The following CALU variants were observed in gnomAD, a reference collection of about 807,000 sequenced individuals.
The protein encoded by CALU is IEF SSP 9302.
In CALU, 13 loss-of-function variants were observed where a neutral mutation model predicts 37.5. The ratio of observed to expected loss-of-function variants is 0.35; its 90% CI spans 0.23 to 0.55. The LOEUF is 0.55. Among genes scored for constraint, CALU ranks in the 20% least tolerant of loss-of-function variants. The probability of loss-of-function intolerance (pLI) is 0.89; values close to 1 mark genes in which losing one functional copy is unlikely to be tolerated. For missense variants in CALU, 282 were observed against 391.7 expected, an observed-to-expected ratio of 0.72 and a Z score of 2.36; for synonymous variants, 114 against 133.8, an observed-to-expected ratio of 0.85 and a Z score of 1.02.
intron 5 of CALU, among the ~76,000 whole-genome samples, chr7:128,760,261 A>G (rs1260684641): frequency 6.6e-6 from 1 of 152,206 alleles, no homozygotes; most frequent in Non-Finnish European, 1.5e-5. Context: ...GTCAATTCTC[A>G]CTAGCTCATT....
In CALU at chr7:128,765,042, T is replaced by C. The variant is rs530082935; in HGVS notation, c.644-2414T>C. ...GATCAAGTGATCCTCTCACCTCAGC[T>C]GGGACCACAGAAGAGCACCACCACA... On this transcript the variant is annotated intron_variant, in intron 5 of 6. Transcript: ENST00000249364. 1.6e-3 allele frequency among the ~76,000 whole-genome samples: 241 copies of C among 152,166 alleles called. 7 individuals carry two copies. In the South Asian group the frequency reaches 0.045, roughly 29 times the overall value.
chr7:128,751,182 G>C (rs1350101653), intron 2 of CALU, among the ~76,000 whole-genome samples: 1 of 151,668 alleles, frequency 6.6e-6, no homozygotes, highest in Non-Finnish European at 1.5e-5. Context: ...CAGCTACTTG[G>C]GAGGCTGAGG....
intron 5 of CALU, among the ~76,000 whole-genome samples, chr7:128,764,458 A>C (rs1224091738): frequency 6.6e-6 from 1 of 152,164 alleles, no homozygotes; most frequent in African/African-American, 2.4e-5. Flanking sequence ...GTTGGTGATA[A>C]GCATTGACAT....
At chr7:128,747,089 A>G (rs1403672905) in intron 1 of CALU, among the ~76,000 whole-genome samples, 3 of 151,802 alleles carry the variant, frequency 2.0e-5, no homozygotes, top group African/African-American at 4.8e-5. Context: ...ACCTTTGTGT[A>G]TTTTTCCATA....
intron 1 of CALU, among the ~76,000 whole-genome samples, chr7:128,740,785 C>T (rs1179692286): frequency 1.3e-5 from 2 of 152,112 alleles, no homozygotes; most frequent in Non-Finnish European, 2.9e-5. Flanking sequence ...TTGTCACTCT[C>T]AATGTAATCA....
At position 128,771,914 on chromosome 7, in the gene CALU, T is replaced by C. The variant is rs897135784; in HGVS notation, c.*2747T>C. The C allele has an allele frequency of 1.3e-5, 2 of 153,632 alleles. No homozygotes were observed. Among genetic ancestry groups the C allele is most frequent in the African/African-American group, 2.4e-5 (1 of 41,430 alleles). 9.5% of individuals were successfully genotyped at this position (153,632 alleles called of 1,614,324 possible). On this transcript the variant is annotated 3_prime_UTR_variant, in exon 7 of 7. Coordinates refer to ENST00000249364, the MANE Select transcript of CALU (RefSeq NM_001219.5). ...GTAAACACACAGTTTAAGACAAATA[T>C]AAAGGTTTAGCCAAATGCAACGGGG...
At chr7:128,740,034 C>G (rs1009986145) in intron 1 of CALU, among the ~76,000 whole-genome samples, 1 of 152,230 alleles carries the variant, frequency 6.6e-6, no homozygotes, top group African/African-American at 2.4e-5. Flanking sequence ...CTACGTACTT[C>G]AGTTAGCGAC....
chr7:128,772,070 T>TTTTTG lies in CALU; in HGVS notation c.*2918_*2922dup, dbSNP rs1218212465. Among the ~76,000 whole-genome samples, 2 of 82,218 alleles carry TTTTTG rather than the reference T, an allele frequency of 2.4e-5. No individual in the cohort carries two copies. Among genetic ancestry groups the TTTTTG allele is most frequent in the African/African-American group, 6.9e-5 (2 of 28,988 alleles). The allele number at this position is 82,218 out of a possible 152,430, so 53.9% of individuals were successfully genotyped here. ...GGCCACTGAGTTTTTTTTGTTTTTT[T>TTTTTG]TTTTGTTTTGTTTTGTTTTTTCTTT... On this transcript the variant is annotated 3_prime_UTR_variant, in exon 7 of 7. Transcript: ENST00000249364.
In CALU at chr7:128,745,169, C is replaced by A. The variant is rs576468747; in HGVS notation, c.-11-3404C>A. On this transcript the variant is annotated intron_variant, in intron 1 of 6. Transcript: ENST00000249364. ...TGTAAAATTTTCCTAAAGATAAAGT[C>A]CCCTTAGGCATAAGGAAAATCCTTT... Among the ~76,000 whole-genome samples, 10 of 152,266 alleles carry A rather than the reference C, an allele frequency of 6.6e-5. No homozygotes were observed. In the East Asian group the frequency reaches 1.3e-3, roughly 21 times the overall value.
chr7:128,756,676 A>G (rs1488937390), intron 3 of CALU, among the ~76,000 whole-genome samples: 1 of 152,236 alleles, frequency 6.6e-6, no homozygotes, highest in Admixed American at 6.5e-5. Flanking sequence ...AAACTAGATC[A>G]AGAGCCTACC....
chr7:128,770,725 G>C lies in CALU; in HGVS notation c.*1558G>C, dbSNP rs1323990172. On this transcript the variant is annotated 3_prime_UTR_variant, in exon 7 of 7. Transcript: ENST00000249364. ...TGCAACACAAACACTGTCCTTTTGG[G>C]TCCCTTTCTTACAGATGGACCTCTT... 1 of 152,596 alleles carries C rather than the reference G, an allele frequency of 6.6e-6. No individual in the cohort carries two copies. Among genetic ancestry groups the C allele is most frequent in the African/African-American group, 2.4e-5 (1 of 41,428 alleles). 9.5% of individuals were successfully genotyped at this position (152,596 alleles called of 1,614,324 possible).
Position 128,770,855 on chromosome 7 carries a change from G to A in CALU, c.*1688G>A, listed in dbSNP as rs1045343178. 2 of 152,624 alleles carry A rather than the reference G, an allele frequency of 1.3e-5. No homozygotes were observed. Among genetic ancestry groups the A allele is most frequent in the Non-Finnish European group, 2.9e-5 (2 of 68,044 alleles). 9.5% of individuals were successfully genotyped at this position (152,624 alleles called of 1,614,324 possible). A position where few individuals can be genotyped will look rare whatever the true frequency, so the allele number is the denominator to read the frequency against. Reference sequence around the variant, plus strand: ...TATATCTTTGTGGATAATACATTCAGGTGGTGCTGGGTGATTTATTATAAT... The same window carrying A: ...TATATCTTTGTGGATAATACATTCAAGTGGTGCTGGGTGATTTATTATAAT... On this transcript the variant is annotated 3_prime_UTR_variant, in exon 7 of 7. Coordinates refer to ENST00000249364, the MANE Select transcript of CALU (RefSeq NM_001219.5).
At chr7:128,750,806 C>T (rs1800641842) in intron 2 of CALU, among the ~76,000 whole-genome samples, 1 of 152,122 alleles carries the variant, frequency 6.6e-6, no homozygotes, top group Non-Finnish European at 1.5e-5. Context: ...ATTGTTCATG[C>T]CTTTAGTTGC....
chr7:128,762,776 T>C (rs1180035090), intron 5 of CALU, among the ~76,000 whole-genome samples: 2 of 152,110 alleles, frequency 1.3e-5, no homozygotes, highest in East Asian at 3.9e-4. Flanking sequence ...AGGCGATTCT[T>C]GTGCCTCAGC....
chr7:128,749,050 G>A (rs1489529988), intron 2 of CALU, among the ~76,000 whole-genome samples: 1 of 152,172 alleles, frequency 6.6e-6, no homozygotes, highest in Non-Finnish European at 1.5e-5. Flanking sequence ...ACCAAGTACT[G>A]CAAGACCCAA....
rs147733250 is a variant in CALU at position 128,758,988 on chromosome 7, C to T, written c.533C>T (p.Ala178Val). Residue 178 changes from alanine (A) to valine (V), a missense_variant, in exon 4 of 7, where the codon GCT (alanine) becomes GTT (valine). By Grantham distance (64) the Ala-to-Val change is moderately conservative (BLOSUM62 0). Coordinates refer to ENST00000249364, the MANE Select transcript of CALU (RefSeq NM_001219.5). ...DLIATKEEFT[A>V]FLHPEEYDYM... ...ATTGCCACCAAGGAGGAGTTCACAG[C>T]TTTCCTGCACCCTGAGGAGTATGAC... The T allele has an allele frequency of 1.7e-5, 28 of 1,613,912 alleles. No homozygotes were observed. Among genetic ancestry groups the T allele is most frequent in the Non-Finnish European group, 2.2e-5 (26 of 1,179,946 alleles).
intron 2 of CALU, among the ~76,000 whole-genome samples, chr7:128,750,709 G>A (rs1285654871): frequency 2.6e-5 from 4 of 152,102 alleles, no homozygotes; most frequent in Non-Finnish European, 4.4e-5. Flanking sequence ...ACATTGTTTT[G>A]GTGGGGTAAT....
At chr7:128,746,317 C>G (rs564553016) in intron 1 of CALU, among the ~76,000 whole-genome samples, 30 of 151,950 alleles carry the variant, frequency 2.0e-4, no homozygotes, top group African/African-American at 6.8e-4. Context: ...GCCACCACAC[C>G]CAGCTAAGTT....
intron 3 of CALU, 123 bp downstream of exon 3, chr7:128,754,578 G>T: frequency 6.4e-7 from 1 of 1,552,428 alleles, no homozygotes; most frequent in South Asian, 1.2e-5. Context: ...TGTGACGGAG[G>T]GGGAGCTGAA....
Sources: allele counts gnomAD v4.1 joint callset (sites outside exome capture counted in the v4.1 genomes callset), GRCh38; gene constraint gnomAD v4.1.1; transcripts MANE v1.5; gene names NCBI Gene and HGNC (gene_info 2026-07-23, HGNC 2026-07-21).